Variants in GDAP1 observed in about 807,000 individuals in gnomAD.
GDAP1 encodes ganglioside-induced differentiation-associated protein 1.
Under a neutral mutation model 40.1 loss-of-function variants are expected in GDAP1, and 34 were observed. That is an observed-to-expected ratio of 0.85 (90% CI 0.64 to 1.13). GDAP1 has a LOEUF of 1.13. GDAP1 is among the 50% of genes most tolerant of loss of function. GDAP1 has a pLI of 0.00. For missense variants in GDAP1, 374 were observed against 433.7 expected, an observed-to-expected ratio of 0.86 and a Z score of 1.22; for synonymous variants, 170 against 157.4, an observed-to-expected ratio of 1.08 and a Z score of -0.60.
At chr8:74,351,732 A>G (rs186496625) in intron 2 of GDAP1, among the ~76,000 whole-genome samples, 140 of 152,360 alleles carry the variant, frequency 9.2e-4, no homozygotes, top group African/African-American at 3.3e-3. Flanking sequence ...CTTGCAAAAA[A>G]CTGCAAATGT....
chr8:74,358,141 A>G (rs1809192184), intron 2 of GDAP1, among the ~76,000 whole-genome samples: 1 of 152,254 alleles, frequency 6.6e-6, no homozygotes. Context: ...CAGTAACGGC[A>G]CACTGAGTAG....
intron 2 of GDAP1, among the ~76,000 whole-genome samples, chr8:74,428,859 C>T (rs1054911816): frequency 2.2e-5 from 3 of 137,220 alleles, no homozygotes; most frequent in East Asian, 2.2e-4. Flanking sequence ...GCTATCCCTC[C>T]CCGCCTCCCC....
chr8:74,468,493 A>T (rs907826168), intron 2 of GDAP1, among the ~76,000 whole-genome samples: 21 of 143,674 alleles, frequency 1.5e-4, no homozygotes, highest in South Asian at 6.4e-4. Context: ...ACACACACAC[A>T]CACACACACA....
At chr8:74,430,110 G>T (rs1402852195) in intron 2 of GDAP1, among the ~76,000 whole-genome samples, 1 of 152,172 alleles carries the variant, frequency 6.6e-6, no homozygotes, top group African/African-American at 2.4e-5. Context: ...GATTGTAAGA[G>T]AAATGCAAAT....
At chr8:74,472,038 C>G (rs1806563528) in intron 2 of GDAP1, among the ~76,000 whole-genome samples, 1 of 152,070 alleles carries the variant, frequency 6.6e-6, no homozygotes, top group Non-Finnish European at 1.5e-5. Context: ...ATTATTTTGT[C>G]ACCAGGTACT....
intron 2 of GDAP1, among the ~76,000 whole-genome samples, chr8:74,378,175 G>A (rs561895469): frequency 5.9e-5 from 9 of 152,132 alleles, no homozygotes; most frequent in Non-Finnish European, 1.2e-4. Flanking sequence ...AACTGTGCTG[G>A]TCGGTGAGAG....
intron 2 of GDAP1, among the ~76,000 whole-genome samples, chr8:74,449,831 C>CT (rs1216255989): frequency 2.6e-5 from 4 of 151,564 alleles, no homozygotes; most frequent in Non-Finnish European, 5.9e-5. Flanking sequence ...TGTAAAATTT[C>CT]TTTAAGTTTC....
rs1264437564 is a variant in GDAP1, at chr8:74,350,556, C to T, written c.95C>T (p.Thr32Met). The T allele has an allele frequency of 6.2e-7, 1 of 1,606,268 alleles. No homozygotes were observed. Among genetic ancestry groups the T allele is most frequent in the Non-Finnish European group, 8.5e-7 (1 of 1,172,868 alleles). Residue 32 changes from threonine to methionine, a missense_variant, in exon 1 of 6, where the codon ACG becomes ATG. Transcript: ENST00000220822. ...AEVKLILYHW[T>M]HSFSSQKVRL... ...GTTAAGCTCATTCTGTACCATTGGACGCATTCCTTCAGCTCTCAAAAGGTA... is the reference window on the plus strand; with the variant it reads ...GTTAAGCTCATTCTGTACCATTGGATGCATTCCTTCAGCTCTCAAAAGGTA...
chr8:74,485,394 T>G (rs1023346440), intron 2 of GDAP1, among the ~76,000 whole-genome samples: 1 of 152,134 alleles, frequency 6.6e-6, no homozygotes, highest in African/African-American at 2.4e-5. Flanking sequence ...ACCCCTTGAT[T>G]ATGTCTGATA....
chr8:74,408,522 T>C (rs1362298188), intron 2 of GDAP1, among the ~76,000 whole-genome samples: 1 of 149,978 alleles, frequency 6.7e-6, no homozygotes, highest in African/African-American at 2.5e-5. Context: ...AACTAGTCTT[T>C]CAGGACTTAA....
downstream of GDAP1, among the ~76,000 whole-genome samples, chr8:74,371,359 A>G (rs1002134612): frequency 6.6e-6 from 1 of 152,264 alleles, no homozygotes; most frequent in African/African-American, 2.4e-5. Context: ...AGAAGAAATC[A>G]TAAGGGAATA....
intron 3 of GDAP1, among the ~76,000 whole-genome samples, 198 bp from the exon 4 acceptor site, chr8:74,361,686 C>T (rs377659044): frequency 1.1e-4 from 17 of 152,256 alleles, no homozygotes; most frequent in South Asian, 4.1e-4. Context: ...TGAGCCACCG[C>T]GCCCAGCCGG....
At chr8:74,418,650 A>G (rs188559477) in intron 2 of GDAP1, among the ~76,000 whole-genome samples, 1 of 152,332 alleles carries the variant, frequency 6.6e-6, no homozygotes, top group Admixed American at 6.5e-5. Flanking sequence ...AGCATGGTGC[A>G]TAAAAGGAAA....
chr8:74,436,978 G>A (rs754078197), intron 2 of GDAP1, among the ~76,000 whole-genome samples: 45 of 152,086 alleles, frequency 3.0e-4, no homozygotes, highest in Non-Finnish European at 5.1e-4. Flanking sequence ...AGAAGGAGAA[G>A]TCATTTTCTG....
chr8:74,423,903 G>A (rs899491994), intron 2 of GDAP1, among the ~76,000 whole-genome samples: 1 of 152,082 alleles, frequency 6.6e-6, no homozygotes, highest in East Asian at 1.9e-4. Context: ...AGTTCCCTGG[G>A]TACTCATCGT....
intron 2 of GDAP1, among the ~76,000 whole-genome samples, chr8:74,400,011 A>T (rs1433537151): frequency 6.9e-6 from 1 of 144,932 alleles, no homozygotes; most frequent in African/African-American, 2.8e-5. Flanking sequence ...TGGTGCTGAA[A>T]AAAATGTATA....
At chr8:74,380,793 G>C (rs1191044060) in intron 2 of GDAP1, among the ~76,000 whole-genome samples, 1 of 152,080 alleles carries the variant, frequency 6.6e-6, no homozygotes, top group Non-Finnish European at 1.5e-5. Flanking sequence ...GTATAATTTT[G>C]TCTAATCAAC....
At chr8:74,376,612 G>A (rs1464873673) in intron 2 of GDAP1, 2 of 152,328 alleles carry the variant, frequency 1.3e-5, no homozygotes, top group African/African-American at 4.8e-5. Flanking sequence ...GCCTCCCAAA[G>A]TGCTGGGATT....
chr8:74,459,380 T>A (rs1042847753), intron 2 of GDAP1, among the ~76,000 whole-genome samples: 25 of 152,198 alleles, frequency 1.6e-4, no homozygotes, highest in Admixed American at 9.8e-4. Flanking sequence ...ATCTTGAGTG[T>A]GCATAAGAAT....
Sources: gnomAD v4.1 joint callset for allele counts (sites outside exome capture counted in the v4.1 genomes callset) on GRCh38, gnomAD v4.1.1 for gene constraint, MANE v1.5 for transcripts, NCBI Gene and HGNC (gene_info 2026-07-23, HGNC 2026-07-21) for gene names.